Variants in PLD5 observed in about 807,000 individuals in gnomAD.
The protein encoded by PLD5 is inactive phospholipase D5.
Under a neutral mutation model 61.1 loss-of-function variants are expected in PLD5, and 36 were observed. That is an observed-to-expected ratio of 0.59 (90% CI 0.45 to 0.78). The LOEUF is 0.78. Among genes scored for constraint, PLD5 ranks in the 30% least tolerant of loss-of-function variants. The probability of loss-of-function intolerance (pLI) is 0.00; values close to 1 mark genes in which losing one functional copy is unlikely to be tolerated. For synonymous variants in PLD5, 243 were observed against 242.8 expected, an observed-to-expected ratio of 1.00 and a Z score of -0.01; for missense variants, 515 against 644.4, an observed-to-expected ratio of 0.80 and a Z score of 2.17.
rs1021611785 is a variant in PLD5, at chr1:242,256,359, CTA to C, written c.607+8976_607+8977del. Among the ~76,000 whole-genome samples, 3 of 152,182 alleles carry C rather than the reference CTA, an allele frequency of 2.0e-5. No homozygotes were observed. The highest frequency in any genetic ancestry group is 7.2e-5 in the African/African-American group (3 of 41,448). ...CTCATGGGGAGAAAAATCTGAAGATCTATTTCTCTATCTGATTTGAATGTCCC... is the reference window on the plus strand; with the variant it reads ...CTCATGGGGAGAAAAATCTGAAGATCTTTCTCTATCTGATTTGAATGTCCC... On this transcript the variant is annotated intron_variant, in intron 4 of 9. Transcript: ENST00000536534. This position sits in a 1 kb window ranked among gnomAD's most constrained non-coding sequence, Gnocchi z 5.7.
At chr1:242,145,822 A>T (rs992239575) in intron 5 of PLD5, among the ~76,000 whole-genome samples, 2 of 152,056 alleles carry the variant, frequency 1.3e-5, no homozygotes, top group Non-Finnish European at 2.9e-5. Flanking sequence ...ATAGGCGCAC[A>T]CCAGCACCAC....
chr1:242,163,196 T>G (rs985674599), intron 5 of PLD5, among the ~76,000 whole-genome samples: 2 of 149,814 alleles, frequency 1.3e-5, no homozygotes, highest in Admixed American at 1.3e-4. Flanking sequence ...CAGGCTGGAG[T>G]GCAGTGGCGC....
At chr1:242,306,811 C>T (rs1271617455) in intron 2 of PLD5, among the ~76,000 whole-genome samples, 1 of 23,240 alleles carries the variant, frequency 4.3e-5, no homozygotes, top group Non-Finnish European at 9.3e-5. Context: ...CGCAAACAAA[C>T]TCTTTGTAGG....
chr1:242,223,335 A>G (rs890381235), intron 4 of PLD5, among the ~76,000 whole-genome samples: 1 of 152,212 alleles, frequency 6.6e-6, no homozygotes, highest in African/African-American at 2.4e-5. Flanking sequence ...TTTGGAGCAC[A>G]GTAGTGTCAT....
chr1:242,358,105 T>C (rs766387473), intron 1 of PLD5, among the ~76,000 whole-genome samples: 4 of 152,162 alleles, frequency 2.6e-5, no homozygotes, highest in Admixed American at 6.5e-5. Context: ...ATTGTTTCTA[T>C]TTCTTTGTCA....
chr1:242,315,526 T>C (rs527352628), intron 2 of PLD5, among the ~76,000 whole-genome samples: 36 of 152,306 alleles, frequency 2.4e-4, no homozygotes, highest in African/African-American at 6.5e-4. Context: ...GTCTTCAACA[T>C]CCTCGGCAGC....
intron 2 of PLD5, among the ~76,000 whole-genome samples, chr1:242,308,995 A>G (rs1676537432): frequency 6.6e-6 from 1 of 152,094 alleles, no homozygotes; most frequent in Non-Finnish European, 1.5e-5. Context: ...GGAGCGGGGA[A>G]AAAGATGAGA....
At chr1:242,293,277 T>C (rs1346359289) in intron 2 of PLD5, among the ~76,000 whole-genome samples, 1 of 152,166 alleles carries the variant, frequency 6.6e-6, no homozygotes, top group Non-Finnish European at 1.5e-5. Context: ...TGAAATTCCC[T>C]GGGAGCCAAG....
intron 5 of PLD5, among the ~76,000 whole-genome samples, chr1:242,173,951 G>A (rs962322592): frequency 2.0e-5 from 3 of 152,142 alleles, no homozygotes; most frequent in Non-Finnish European, 4.4e-5. Flanking sequence ...AACCCTAGAA[G>A]AAAACCTAGG....
At chr1:242,346,421 C>T (rs1236768295) in intron 2 of PLD5, among the ~76,000 whole-genome samples, 1 of 152,100 alleles carries the variant, frequency 6.6e-6, no homozygotes, top group Non-Finnish European at 1.5e-5. Flanking sequence ...TTAAAATACA[C>T]AGCACTCTTC....
chr1:242,200,580 G>C (rs1668922852), intron 5 of PLD5, among the ~76,000 whole-genome samples: 1 of 151,844 alleles, frequency 6.6e-6, no homozygotes, highest in African/African-American at 2.4e-5. Flanking sequence ...CTATACATCT[G>C]TATCACTGAT....
At chr1:242,279,921 A>G (rs1674628821) in intron 3 of PLD5, among the ~76,000 whole-genome samples, 1 of 152,218 alleles carries the variant, frequency 6.6e-6, no homozygotes, top group Non-Finnish European at 1.5e-5. Flanking sequence ...ATAAGTTGAA[A>G]TCTTGACAGA....
At chr1:242,443,949 T>C (rs1666388340) in intron 1 of PLD5, among the ~76,000 whole-genome samples, 1 of 152,208 alleles carries the variant, frequency 6.6e-6, no homozygotes. Flanking sequence ...TAGCATCCCA[T>C]GTATGGTGGC....
intron 1 of PLD5, among the ~76,000 whole-genome samples, chr1:242,380,860 G>A (rs776627981): frequency 6.6e-6 from 1 of 152,122 alleles, no homozygotes; most frequent in African/African-American, 2.4e-5. Context: ...GTCATCTCAT[G>A]TTAGTCAGAA....
chr1:242,502,160 T>A (rs1668575038), intron 1 of PLD5, among the ~76,000 whole-genome samples: 1 of 152,174 alleles, frequency 6.6e-6, no homozygotes. Context: ...CTAACTCTTG[T>A]TAGACCTCTC....
At chr1:242,241,276 C>A (rs7521275) in intron 4 of PLD5, among the ~76,000 whole-genome samples, 24,179 of 152,000 alleles carry the variant, frequency 0.16, 2,017 homozygotes, top group South Asian at 0.25. Context: ...GGGTAGAAAA[C>A]CCTGAGGTTA....
At chr1:242,212,469 A>G (rs1255074141) in intron 5 of PLD5, among the ~76,000 whole-genome samples, 1 of 152,226 alleles carries the variant, frequency 6.6e-6, no homozygotes, top group Non-Finnish European at 1.5e-5. Context: ...GCAGACCTGG[A>G]GCCAACAGAT....
chr1:242,360,639 A>G (rs375447117), intron 1 of PLD5, among the ~76,000 whole-genome samples: 45 of 152,252 alleles, frequency 3.0e-4, no homozygotes, highest in African/African-American at 1.0e-3. Flanking sequence ...ATTAAGGTTT[A>G]TATTCTGCTT....
At chr1:242,118,882 A>G (rs1348781417) in intron 6 of PLD5, among the ~76,000 whole-genome samples, 1 of 152,248 alleles carries the variant, frequency 6.6e-6, no homozygotes, top group Non-Finnish European at 1.5e-5. Flanking sequence ...TGCCCAGAAT[A>G]GAAATGAATA....
Sources: gnomAD v4.1 joint callset for allele counts (sites outside exome capture counted in the v4.1 genomes callset) on GRCh38, gnomAD v4.1.1 for gene constraint, Gnocchi (gnomAD v3.1) non-coding constraint, MANE v1.5 for transcripts, NCBI Gene and HGNC (gene_info 2026-07-23, HGNC 2026-07-21) for gene names.